RANBP2: variants seen among roughly 807,000 people sequenced by gnomAD.
The protein encoded by RANBP2 is RAN binding protein 2.
Under a neutral mutation model 303.6 loss-of-function variants are expected in RANBP2, and 57 were observed. The observed-to-expected ratio is 0.19, with a 90% confidence interval of 0.15 to 0.23. The LOEUF is 0.23. RANBP2 is among the 10% of genes least tolerant of loss of function. The pLI, the probability that RANBP2 is intolerant of heterozygous loss-of-function variation, is 1.00. For missense variants in RANBP2, 3,138 were observed against 3,780.8 expected, an observed-to-expected ratio of 0.83 and a Z score of 4.46; for synonymous variants, 1,167 against 1,301.5, an observed-to-expected ratio of 0.90 and a Z score of 2.23.
chr2:109,198,373 C>CATA, the RANBP2 span, among the ~76,000 whole-genome samples: 1 of 151,860 alleles, frequency 6.6e-6, no homozygotes, highest in Non-Finnish European at 1.5e-5. Context: ...ACAACTTAAA[C>CATA]AAAACTCAGT....
the RANBP2 span, among the ~76,000 whole-genome samples, chr2:109,009,106 G>A: frequency 6.6e-6 from 1 of 151,734 alleles, no homozygotes; most frequent in Non-Finnish European, 1.5e-5. Flanking sequence ...TTGGGAGGCC[G>A]AGGTGGGCGG....
At chr2:108,749,707 T>C (rs1675701077) in intron 9 of RANBP2, among the ~76,000 whole-genome samples, 1 of 152,298 alleles carries the variant, frequency 6.6e-6, no homozygotes, top group Non-Finnish European at 1.5e-5. Flanking sequence ...TTCTCTTGCC[T>C]CAGCCTCCTG....
chr2:109,347,583 C>T, the RANBP2 span: 28 of 1,501,196 alleles, frequency 1.9e-5, no homozygotes, highest in Non-Finnish European at 2.1e-5. Context: ...CACAGAAAGC[C>T]CCTGAGAAGC....
At chr2:108,948,209 G>A in the RANBP2 span, among the ~76,000 whole-genome samples, 2 of 152,148 alleles carry the variant, frequency 1.3e-5, no homozygotes, top group African/African-American at 4.8e-5. Flanking sequence ...TTCCCAATAA[G>A]TCCCTCATCT....
the RANBP2 span, among the ~76,000 whole-genome samples, chr2:109,253,594 C>A: frequency 0.02 from 3,018 of 152,212 alleles, 109 homozygotes; most frequent in African/African-American, 0.068. Flanking sequence ...CTTATTCTGA[C>A]TAATTTAACA....
the RANBP2 span, among the ~76,000 whole-genome samples, chr2:109,439,003 G>A: frequency 6.6e-6 from 1 of 152,180 alleles, no homozygotes; most frequent in Non-Finnish European, 1.5e-5. Context: ...CCAGTGCAGT[G>A]GCCCTGGGTT....
At chr2:109,221,025 G>T in the RANBP2 span, among the ~76,000 whole-genome samples, 1 of 152,142 alleles carries the variant, frequency 6.6e-6, no homozygotes, top group Admixed American at 6.5e-5. Context: ...AGATGACAGG[G>T]TAAACAAAAT....
At chr2:109,179,469 G>A in the RANBP2 span, among the ~76,000 whole-genome samples, 1 of 152,154 alleles carries the variant, frequency 6.6e-6, no homozygotes, top group East Asian at 1.9e-4. Flanking sequence ...TTGTCTTTGT[G>A]TGTTTTCTGT....
the RANBP2 span, among the ~76,000 whole-genome samples, chr2:109,332,972 C>G: frequency 6.6e-6 from 1 of 152,324 alleles, no homozygotes; most frequent in African/African-American, 2.4e-5. Context: ...CCAACATCAG[C>G]AGGATGCAGA....
the RANBP2 span, among the ~76,000 whole-genome samples, chr2:108,831,106 C>T: frequency 6.6e-6 from 1 of 151,974 alleles, no homozygotes; most frequent in South Asian, 2.1e-4. Context: ...ACCCCGGAGG[C>T]AGAAGTTTCA....
the RANBP2 span, among the ~76,000 whole-genome samples, chr2:109,453,577 C>T: frequency 3.3e-5 from 5 of 152,252 alleles, no homozygotes; most frequent in African/African-American, 4.8e-5. Context: ...ACCACCCGAC[C>T]GGCCATCACT....
At chr2:109,129,587 CT>C in the RANBP2 span, 1 of 1,484,870 alleles carries the variant, frequency 6.7e-7, no homozygotes. Flanking sequence ...GCGGCCGCCG[CT>C]GCTGCGCAGA....
intron 1 of RANBP2, among the ~76,000 whole-genome samples, chr2:108,725,236 G>A (rs574922074): frequency 2.6e-5 from 4 of 152,152 alleles, no homozygotes; most frequent in African/African-American, 9.7e-5. Flanking sequence ...CATGGGCTGT[G>A]CTCCTTCCTA....
the RANBP2 span, among the ~76,000 whole-genome samples, chr2:109,556,190 G>A: frequency 1.3e-5 from 2 of 152,284 alleles, 1 homozygote; most frequent in Middle Eastern, 6.8e-3. Context: ...CCTATGTGTA[G>A]AATTTTGGAG....
the RANBP2 span, among the ~76,000 whole-genome samples, chr2:109,688,902 T>TCCTTCCTG: frequency 3.3e-5 from 5 of 149,810 alleles, no homozygotes; most frequent in African/African-American, 1.2e-4. Flanking sequence ...CTTCCTTCCT[T>TCCTTCCTG]CCTTTCTTCC....
chr2:109,408,151 G>A, the RANBP2 span, among the ~76,000 whole-genome samples: 1 of 152,166 alleles, frequency 6.6e-6, no homozygotes, highest in African/African-American at 2.4e-5. Flanking sequence ...ATCCTGCAGG[G>A]ATCCACAGAG....
At chr2:109,493,420 GCAAA>G in the RANBP2 span, among the ~76,000 whole-genome samples, 1 of 147,920 alleles carries the variant, frequency 6.8e-6, no homozygotes, top group Non-Finnish European at 1.5e-5. Flanking sequence ...CATACATCAT[GCAAA>G]CACAGACTAC....
At chr2:108,726,731 T>C (rs1573688399) in intron 1 of RANBP2, among the ~76,000 whole-genome samples, 1 of 151,530 alleles carries the variant, frequency 6.6e-6, no homozygotes, top group East Asian at 1.9e-4. Context: ...GGTCAGCAGA[T>C]AAACAAGTGA....
At chr2:109,412,144 C>T in the RANBP2 span, among the ~76,000 whole-genome samples, 2 of 152,374 alleles carry the variant, frequency 1.3e-5, no homozygotes, top group Admixed American at 6.5e-5. Flanking sequence ...GGATGGTGAG[C>T]CTTCGGCCGC....
Sources: gnomAD v4.1 joint callset for allele counts (sites outside exome capture counted in the v4.1 genomes callset) on GRCh38, gnomAD v4.1.1 for gene constraint, MANE v1.5 for transcripts, NCBI Gene and HGNC (gene_info 2026-07-23, HGNC 2026-07-21) for gene names.